JARID2: variants seen among roughly 807,000 people sequenced by gnomAD.
The protein encoded by JARID2 is jumonji and AT-rich interaction domain containing 2, also known as protein Jumonji.
Under a neutral mutation model 125.6 loss-of-function variants are expected in JARID2, and 21 were observed. The observed-to-expected ratio is 0.17, with a 90% CI of 0.12 to 0.24. JARID2 has a LOEUF of 0.24. JARID2 is among the 10% of genes least tolerant of loss of function. JARID2 has a pLI of 1.00. For missense variants in JARID2, 1,303 were observed against 1,639.6 expected (o/e 0.79, Z 3.55); for synonymous variants, 736 against 661.6 (o/e 1.11, Z -1.73).
chr6:15,267,757 T>G (rs866969784), intron 1 of JARID2, among the ~76,000 whole-genome samples: 5 of 152,158 alleles, frequency 3.3e-5, no homozygotes, highest in African/African-American at 9.7e-5. Context: ...TCTGTAGATA[T>G]GCAGTAGGGG....
intron 3 of JARID2, among the ~76,000 whole-genome samples, chr6:15,445,798 G>A (rs550719107): frequency 5.9e-5 from 9 of 152,368 alleles, no homozygotes; most frequent in Admixed American, 3.9e-4. Flanking sequence ...TCTGCGAGAT[G>A]ATGGTGAGAA....
At chr6:15,443,150 G>T (rs1298450354) in intron 3 of JARID2, among the ~76,000 whole-genome samples, 1 of 152,042 alleles carries the variant, frequency 6.6e-6, no homozygotes, top group Non-Finnish European at 1.5e-5. Context: ...TTCCAAGGGA[G>T]TGAAGTGTCT....
intron 1 of JARID2, among the ~76,000 whole-genome samples, chr6:15,261,333 G>A (rs76284472): frequency 2.1e-5 from 1 of 48,568 alleles, no homozygotes; most frequent in African/African-American, 9.1e-5. Context: ...TTTTTTTTTT[G>A]AGACGGAGTC....
chr6:15,405,957 T>C (rs933432779), intron 2 of JARID2, among the ~76,000 whole-genome samples: 16 of 152,282 alleles, frequency 1.1e-4, no homozygotes, highest in African/African-American at 3.1e-4. Context: ...ACAGTGGAGA[T>C]TGGTCGCCAG....
chr6:15,424,566 G>A (rs1766640419), intron 3 of JARID2, among the ~76,000 whole-genome samples: 1 of 152,144 alleles, frequency 6.6e-6, no homozygotes, highest in South Asian at 2.1e-4. Flanking sequence ...GTTAATAACA[G>A]CAAACACTTG....
At chr6:15,410,784 G>T (rs1301972994) in intron 3 of JARID2, among the ~76,000 whole-genome samples, 1 of 152,184 alleles carries the variant, frequency 6.6e-6, no homozygotes, top group African/African-American at 2.4e-5. Flanking sequence ...TCCTTGTCAG[G>T]AAAGCTGAAA....
intron 3 of JARID2, among the ~76,000 whole-genome samples, chr6:15,447,067 G>A (rs927357116): frequency 3.3e-5 from 5 of 152,058 alleles, no homozygotes; most frequent in East Asian, 1.9e-4. Context: ...GCTCGTATCC[G>A]TCTTCTTCTG....
At chr6:15,401,661 G>C (rs1225920285) in intron 2 of JARID2, among the ~76,000 whole-genome samples, 1 of 152,050 alleles carries the variant, frequency 6.6e-6, no homozygotes, top group Non-Finnish European at 1.5e-5. Context: ...TTTAAACTTC[G>C]AGTGCTCTTG....
chr6:15,415,520 GGGC>G, intron 3 of JARID2, among the ~76,000 whole-genome samples: 2 of 128,310 alleles, frequency 1.6e-5, no homozygotes, highest in Admixed American at 7.5e-5. Flanking sequence ...AGGGGCTGCC[GGGC>G]AGAGGCGCCC....
In JARID2 at chr6:15,449,682, T is replaced by TA. The variant is rs796818859; in HGVS notation, c.324-2313dup. 7.9e-3 allele frequency among the ~76,000 whole-genome samples: 1,136 copies of TA among 144,574 alleles called. 12 individuals carry two copies. Among genetic ancestry groups the TA allele is most frequent in the African/African-American group, 0.024 (959 of 39,550 alleles). The allele number at this position is 144,574 out of a possible 152,430, so 94.8% of individuals were successfully genotyped here. Reference sequence around the variant, plus strand: ...CCAGTTTCAGTAAAAAGGTTAAAAATAAAAAAAAAAAGTGCTCTGAATGAC... The same window carrying TA: ...CCAGTTTCAGTAAAAAGGTTAAAAATAAAAAAAAAAAAGTGCTCTGAATGAC... On this transcript the variant is annotated intron_variant, in intron 3 of 17. Coordinates refer to ENST00000341776, the MANE Select transcript of JARID2 (RefSeq NM_004973.4).
chr6:15,517,497 A>G (rs957872280), intron 17 of JARID2, among the ~76,000 whole-genome samples: 5 of 152,192 alleles, frequency 3.3e-5, no homozygotes, highest in African/African-American at 1.2e-4. Context: ...TGGGCTCTTA[A>G]CAGGGCTGAG....
At chr6:15,413,002 G>GGTTTTTTTTTTTTT (rs1765951845) in intron 3 of JARID2, among the ~76,000 whole-genome samples, 1 of 46,532 alleles carries the variant, frequency 2.1e-5, no homozygotes, top group African/African-American at 9.3e-5. Context: ...AAGAGCTTGT[G>GGTTTTTTTTTTTTT]TTTTTGTTTT....
rs760826577 is a variant in JARID2, at chr6:15,410,294, T to C, written c.252T>C (p.Asp84=). ...AACAGTCAGAGAATGAAAAGGACGA[T>C]GCATCCCAAGTGTCCTCCACTAGCA... ...ASEQSENEKD[D]ASQVSSTSND... is the part of the protein sequence containing the mutation. Residue 84 remains aspartate, a synonymous_variant, in exon 3 of 18, where the codon GAT becomes GAC. Coordinates refer to ENST00000341776, the MANE Select transcript of JARID2 (RefSeq NM_004973.4). 2 of 1,614,112 alleles carry C rather than the reference T, an allele frequency of 1.2e-6. No homozygotes were observed. Among genetic ancestry groups the C allele is most frequent in the Non-Finnish European group, 8.5e-7 (1 of 1,179,956 alleles).
chr6:15,446,417 C>T (rs534806207), intron 3 of JARID2, among the ~76,000 whole-genome samples: 78 of 152,298 alleles, frequency 5.1e-4, no homozygotes, highest in African/African-American at 3.8e-4. Flanking sequence ...GGCTTCTGTG[C>T]GGGAAGTGGC....
At chr6:15,302,137 C>T (rs778232946) in intron 1 of JARID2, among the ~76,000 whole-genome samples, 7 of 152,072 alleles carry the variant, frequency 4.6e-5, no homozygotes, top group African/African-American at 7.2e-5. Flanking sequence ...ATGAAGAGGC[C>T]GGGTGCAGTG....
At chr6:15,452,862 A>T (rs1767983866) in intron 4 of JARID2, among the ~76,000 whole-genome samples, 1 of 152,254 alleles carries the variant, frequency 6.6e-6, no homozygotes, top group African/African-American at 2.4e-5. Flanking sequence ...TGGAGGAATG[A>T]TAGAAAATTT....
chr6:15,341,333 C>T (rs1289550150), intron 1 of JARID2, among the ~76,000 whole-genome samples: 1 of 152,038 alleles, frequency 6.6e-6, no homozygotes, highest in Non-Finnish European at 1.5e-5. Flanking sequence ...AAAAAGTTTT[C>T]TTATGTATAC....
chr6:15,405,969 G>A (rs936563557), intron 2 of JARID2, among the ~76,000 whole-genome samples: 17 of 151,388 alleles, frequency 1.1e-4, no homozygotes, highest in Admixed American at 8.5e-4. Context: ...GGTCGCCAGC[G>A]GGGGGGTTAG....
At chr6:15,435,798 T>G (rs1166245943) in intron 3 of JARID2, among the ~76,000 whole-genome samples, 1 of 152,184 alleles carries the variant, frequency 6.6e-6, no homozygotes, top group Non-Finnish European at 1.5e-5. Context: ...CATTGGAGTT[T>G]CAGTGCCTTG....
Sources: allele counts gnomAD v4.1 joint callset (sites outside exome capture counted in the v4.1 genomes callset), GRCh38; gene constraint gnomAD v4.1.1; transcripts MANE v1.5; gene names NCBI Gene and HGNC (gene_info 2026-07-23, HGNC 2026-07-21).